The following AUTS2 variants were observed in gnomAD, a reference collection of about 807,000 sequenced individuals.
The protein encoded by AUTS2 is autism susceptibility gene 2 protein.
Under a neutral mutation model 112.4 loss-of-function variants are expected in AUTS2, and 17 were observed. That is an observed-to-expected ratio of 0.15 (90% CI 0.10 to 0.23). The LOEUF (loss-of-function observed/expected upper bound fraction) is 0.23, where lower values mean the gene tolerates loss of function less well. AUTS2 is among the 10% of genes least tolerant of loss of function. The pLI is 1.00. For synonymous variants in AUTS2, 751 were observed against 702.7 expected (o/e 1.07, Z -1.09); for missense variants, 1,510 against 1,701.6 (o/e 0.89, Z 1.98).
rs909255206 is a variant in AUTS2, at chr7:70,054,011, A to G, written c.523-64121A>G. 3.3e-5 allele frequency among the ~76,000 whole-genome samples: 5 copies of G among 152,244 alleles called. No homozygotes were observed. In the East Asian group the frequency reaches 7.7e-4, roughly 23 times the overall value. On this transcript the variant is annotated intron_variant, in intron 2 of 18. Coordinates refer to ENST00000342771, the MANE Select transcript of AUTS2 (RefSeq NM_015570.4). The stretch of plus-strand genomic sequence containing the variant: ...ATAAACTATGGCAGTCAAGAAAACC[A>G]AAAGAAAAACCTTTTTCCACTTGGC...
At chr7:69,667,241 A>C (rs1312165038) in intron 1 of AUTS2, among the ~76,000 whole-genome samples, 1 of 152,042 alleles carries the variant, frequency 6.6e-6, no homozygotes, top group African/African-American at 2.4e-5. Flanking sequence ...CCTCTTAAAG[A>C]CTGTATCTCT....
intron 4 of AUTS2, among the ~76,000 whole-genome samples, chr7:70,250,286 C>T (rs1786525921): frequency 6.6e-6 from 1 of 152,148 alleles, no homozygotes; most frequent in Non-Finnish European, 1.5e-5. Context: ...GATTTTCCTT[C>T]TCTTAGTGTT....
At chr7:70,651,054 T>C (rs1319416262) in intron 5 of AUTS2, among the ~76,000 whole-genome samples, 1 of 152,232 alleles carries the variant, frequency 6.6e-6, no homozygotes, top group African/African-American at 2.4e-5. Context: ...CACTTGCTGA[T>C]ATGAGTAATG....
chr7:70,766,376 A>T lies in AUTS2; in HGVS notation c.1689+42A>T, dbSNP rs919954189. ...GAAATGTGAGGATAAGTAGAGCACG[A>T]CTCTTTTCTTTATGCAGCACGTGGG... On this transcript the variant is annotated intron_variant, in intron 9 of 18. Coordinates refer to ENST00000342771, the MANE Select transcript of AUTS2 (RefSeq NM_015570.4). The surrounding 1 kb of genome is among the most constrained non-coding windows in gnomAD (Gnocchi z 4.8). 7 of 1,604,312 alleles carry T rather than the reference A, an allele frequency of 4.4e-6. No individual in the cohort carries two copies. The highest frequency in any genetic ancestry group is 6.0e-6 in the Non-Finnish European group (7 of 1,173,420).
At chr7:70,313,705 A>G (rs1443231396) in intron 4 of AUTS2, among the ~76,000 whole-genome samples, 1 of 152,162 alleles carries the variant, frequency 6.6e-6, no homozygotes, top group Non-Finnish European at 1.5e-5. Flanking sequence ...GCCGGTTCCT[A>G]CTGTTGGATG....
chr7:70,134,908 G>A (rs1442044071), intron 4 of AUTS2, among the ~76,000 whole-genome samples: 1 of 152,052 alleles, frequency 6.6e-6, no homozygotes, highest in African/African-American at 2.4e-5. Flanking sequence ...GTCATGTGGG[G>A]GATGGAATTC....
At chr7:69,757,841 A>T (rs761784599) in intron 1 of AUTS2, among the ~76,000 whole-genome samples, 1 of 152,234 alleles carries the variant, frequency 6.6e-6, no homozygotes, top group East Asian at 1.9e-4. Context: ...TTATCCAGCA[A>T]ATGTGCAATA....
intron 2 of AUTS2, among the ~76,000 whole-genome samples, chr7:70,085,106 A>G (rs768883158): frequency 6.6e-6 from 1 of 152,072 alleles, no homozygotes; most frequent in Non-Finnish European, 1.5e-5. Flanking sequence ...CGAACTTCTG[A>G]GCTCAATCAA....
At chr7:69,829,189 A>C (rs1297217736) in intron 1 of AUTS2, among the ~76,000 whole-genome samples, 1 of 152,204 alleles carries the variant, frequency 6.6e-6, no homozygotes, top group African/African-American at 2.4e-5. Flanking sequence ...GGCTAGCCAT[A>C]GGCAGAAAAC....
chr7:69,720,316 GC>G (rs1297787815), intron 1 of AUTS2, among the ~76,000 whole-genome samples: 3 of 152,130 alleles, frequency 2.0e-5, no homozygotes, highest in Non-Finnish European at 2.9e-5. Context: ...AGGGTTATAG[GC>G]TTTCAAATTG....
intron 4 of AUTS2, among the ~76,000 whole-genome samples, chr7:70,270,555 T>A (rs1216596939): frequency 1.3e-5 from 2 of 152,144 alleles, no homozygotes; most frequent in Non-Finnish European, 2.9e-5. Flanking sequence ...TTGGACTTAA[T>A]CCTGTGGGCA....
chr7:69,868,721 A>T (rs997478505), intron 1 of AUTS2, among the ~76,000 whole-genome samples: 1 of 152,226 alleles, frequency 6.6e-6, no homozygotes, highest in Non-Finnish European at 1.5e-5. Context: ...TTTATAAGAG[A>T]TAAATTTGAA....
In AUTS2 at chr7:70,790,371, T is replaced by C; in HGVS notation, c.3155T>C (p.Ile1052Thr). 1.9e-6 allele frequency: 3 copies of C among 1,613,852 alleles called. No homozygotes were observed. Among genetic ancestry groups the C allele is most frequent in the Non-Finnish European group, 1.7e-6 (2 of 1,179,994 alleles). The change falls in exon 19 of 19, where the codon ATC (isoleucine) becomes ACC (threonine). Residue 1052 changes from isoleucine to threonine, a missense_variant. Transcript: ENST00000342771. The surrounding 1 kb of genome is among the most constrained non-coding windows in gnomAD (Gnocchi z 7.6). ...RTRMMTPFMG[I>T]SPLPGGERFP... Reference sequence around the variant, plus strand: ...CGCATGATGACCCCCTTCATGGGCATCAGCCCCCTCCCGGGCGGAGAGCGC... The same window carrying C: ...CGCATGATGACCCCCTTCATGGGCACCAGCCCCCTCCCGGGCGGAGAGCGC...
In AUTS2 at chr7:70,306,880, C is replaced by T. The variant is rs181679863; in HGVS notation, c.661-128872C>T. Among the ~76,000 whole-genome samples the T allele has an allele frequency of 2.0e-5, 3 of 152,286 alleles. No homozygotes were observed. In the East Asian group the frequency reaches 5.8e-4, roughly 29 times the overall value. On this transcript the variant is annotated intron_variant, in intron 4 of 18. Coordinates refer to ENST00000342771, the MANE Select transcript of AUTS2 (RefSeq NM_015570.4). The stretch of plus-strand genomic sequence containing the variant: ...CAAGACTGCTGGTTCTTAAATTTAT[C>T]TCCATCAAAACACAGATGTCCTGTG...
chr7:70,096,043 C>A (rs1189929248), intron 2 of AUTS2, among the ~76,000 whole-genome samples: 5 of 152,112 alleles, frequency 3.3e-5, no homozygotes, highest in Non-Finnish European at 1.5e-5. Flanking sequence ...ACTCTGAGTT[C>A]AAGACCTACC....
At chr7:69,752,666 A>G (rs1787790910) in intron 1 of AUTS2, among the ~76,000 whole-genome samples, 1 of 152,184 alleles carries the variant, frequency 6.6e-6, no homozygotes, top group Admixed American at 6.5e-5. Context: ...GGGTGAATTA[A>G]TCTTTGAGAG....
intron 1 of AUTS2, among the ~76,000 whole-genome samples, chr7:69,600,756 G>C (rs934928334): frequency 5.3e-5 from 8 of 151,940 alleles, no homozygotes; most frequent in Admixed American, 3.3e-4. Flanking sequence ...GACAGAAAAA[G>C]GTACACCAGG....
intron 4 of AUTS2, among the ~76,000 whole-genome samples, chr7:70,250,890 G>A (rs1358423823): frequency 6.6e-6 from 1 of 151,818 alleles, no homozygotes; most frequent in Non-Finnish European, 1.5e-5. Flanking sequence ...GGAGGGAGAG[G>A]ATCAAAAAAC....
intron 3 of AUTS2, among the ~76,000 whole-genome samples, chr7:70,121,095 G>A (rs1805657872): frequency 6.6e-6 from 1 of 152,068 alleles, no homozygotes; most frequent in African/African-American, 2.4e-5. Context: ...ACTTCAATGG[G>A]GAAAGAATTT....
Sources: allele counts gnomAD v4.1 joint callset (sites outside exome capture counted in the v4.1 genomes callset), GRCh38; gene constraint gnomAD v4.1.1; non-coding constraint Gnocchi (gnomAD v3.1); transcripts MANE v1.5; gene names NCBI Gene and HGNC (gene_info 2026-07-23, HGNC 2026-07-21).